Variants in FBXL5 observed in about 807,000 individuals in gnomAD.
The protein encoded by FBXL5 is F-box/LRR-repeat protein 5.
FBXL5 carries 26 observed loss-of-function variants against 78.3 expected under a neutral mutation model. The ratio of observed to expected loss-of-function variants is 0.33; its 90% CI spans 0.24 to 0.46. The LOEUF (loss-of-function observed/expected upper bound fraction) is 0.46. Among genes scored for constraint, FBXL5 ranks in the 20% least tolerant of loss-of-function variants. The probability of loss-of-function intolerance (pLI) is 1.00; values close to 1 mark genes in which losing one functional copy is unlikely to be tolerated. For missense variants in FBXL5, 710 were observed against 829.2 expected, an observed-to-expected ratio of 0.86 and a Z score of 1.77; for synonymous variants, 295 against 282.5, an observed-to-expected ratio of 1.04 and a Z score of -0.45.
intron 1 of FBXL5, among the ~76,000 whole-genome samples, chr4:15,669,159 G>A (rs1207212767): frequency 6.6e-6 from 1 of 152,106 alleles, no homozygotes; most frequent in Non-Finnish European, 1.5e-5. Flanking sequence ...CTGTCACTAG[G>A]CCATTGTCAC....
At chr4:15,616,824 C>A (rs1711938124) in intron 9 of FBXL5, among the ~76,000 whole-genome samples, 1 of 152,170 alleles carries the variant, frequency 6.6e-6, no homozygotes. Flanking sequence ...TTATCTAGAC[C>A]TTCAGGTTCC....
At chr4:15,674,175 G>T (rs924746549) in intron 1 of FBXL5, among the ~76,000 whole-genome samples, 1 of 149,686 alleles carries the variant, frequency 6.7e-6, no homozygotes, top group Non-Finnish European at 1.5e-5. Context: ...AAATACTAAA[G>T]AATGATTATG....
At chr4:15,630,049 C>T (rs1713457772) in intron 6 of FBXL5, among the ~76,000 whole-genome samples, 1 of 152,136 alleles carries the variant, frequency 6.6e-6, no homozygotes, top group Non-Finnish European at 1.5e-5. Context: ...ATTTTTCCAT[C>T]ATATACTTTA....
At chr4:15,608,041 T>A (rs1722001848) in intron 10 of FBXL5, among the ~76,000 whole-genome samples, 1 of 152,152 alleles carries the variant, frequency 6.6e-6, no homozygotes, top group Non-Finnish European at 1.5e-5. Context: ...TATAATGAAA[T>A]GACACTATTT....
intron 1 of FBXL5, among the ~76,000 whole-genome samples, chr4:15,652,773 C>T (rs1716264060): frequency 6.6e-6 from 1 of 152,144 alleles, no homozygotes; most frequent in Admixed American, 6.5e-5. Flanking sequence ...TAACTGACTT[C>T]TTGATAATAA....
chr4:15,610,499 A>C (rs1722176673), intron 10 of FBXL5, among the ~76,000 whole-genome samples: 1 of 152,110 alleles, frequency 6.6e-6, no homozygotes, highest in South Asian at 2.1e-4. Flanking sequence ...TCAATCATTT[A>C]TCCAAAAAAA....
rs1292858425 is a variant in FBXL5 at position 15,655,214 on chromosome 4, T to C, written c.74A>G (p.Tyr25Cys). The change falls in exon 1 of 11, where the codon TAC (tyrosine) becomes TGC (cysteine). Residue 25 changes from tyrosine to cysteine, a missense_variant. Physicochemically the swap from Tyr to Cys is radical, Grantham distance 194. Transcript: ENST00000341285. ...TCAGCGCTCCGTTACCTTGTCGCAG[T>C]AGAGCCCCACCAGCTGCTTCATCCG... ...HWRMKQLVGLYCDKLSKTNFS... is the reference protein window; with the variant it reads ...HWRMKQLVGLCCDKLSKTNFS... 2.8e-6 allele frequency: 4 copies of C among 1,430,260 alleles called. No homozygotes were observed. The highest frequency in any genetic ancestry group is 3.7e-6 in the Non-Finnish European group (4 of 1,070,814). 88.6% of individuals were successfully genotyped at this position (1,430,260 alleles called of 1,614,324 possible).
rs1721768391 is a variant in FBXL5 at position 15,604,722 on chromosome 4, T to TA, written c.*1000dup. On this transcript the variant is annotated 3_prime_UTR_variant, in exon 11 of 11. Coordinates refer to ENST00000341285, the MANE Select transcript of FBXL5 (RefSeq NM_012161.4). ...CATTGCCATTTTCTTCTACATGACA[T>TA]AAAATTGTACTAAAAGGCACTAGTA... The TA allele has an allele frequency of 6.6e-6, 1 of 152,208 alleles. No individual in the cohort carries two copies. Among genetic ancestry groups the TA allele is most frequent in the Non-Finnish European group, 1.5e-5 (1 of 68,030 alleles). 9.4% of individuals were successfully genotyped at this position (152,208 alleles called of 1,614,324 possible). A position where few individuals can be genotyped will look rare whatever the true frequency, so the allele number is the denominator to read the frequency against.
chr4:15,667,970 G>A (rs569227640), intron 1 of FBXL5, among the ~76,000 whole-genome samples: 4 of 151,774 alleles, frequency 2.6e-5, no homozygotes, highest in African/African-American at 9.7e-5. Context: ...GAACTCGGGA[G>A]GTGGAGGTTG....
intron 7 of FBXL5, 110 bp from the exon 8 acceptor site, chr4:15,627,065 A>C: frequency 3.7e-6 from 2 of 546,314 alleles, no homozygotes; most frequent in African/African-American, 2.0e-5. Context: ...TGAATATAAA[A>C]AAAAATCACT....
At chr4:15,639,395 G>T (rs12651550) in intron 3 of FBXL5, among the ~76,000 whole-genome samples, 1 of 152,000 alleles carries the variant, frequency 6.6e-6, no homozygotes, top group Non-Finnish European at 1.5e-5. Context: ...ACCCAGTGTA[G>T]TGGAACCATA....
At chr4:15,618,030 C>G (rs956806864) in intron 9 of FBXL5, among the ~76,000 whole-genome samples, 1 of 152,006 alleles carries the variant, frequency 6.6e-6, no homozygotes, top group African/African-American at 2.4e-5. Context: ...TCCAAAGTAG[C>G]AGGAGGGGAA....
At chr4:15,661,656 A>G (rs1417900029), upstream of FBXL5, among the ~76,000 whole-genome samples, 1 of 152,172 alleles carries the variant, frequency 6.6e-6, no homozygotes, top group African/African-American at 2.4e-5. Context: ...TTTCTCATGT[A>G]TTAGTTATCT....
chr4:15,680,818 T>C lies in FBXL5; in HGVS notation c.-284+565A>G, dbSNP rs550601064. 1.9e-3 allele frequency among the ~76,000 whole-genome samples: 292 copies of C among 151,680 alleles called. 1 individual carries two copies. The highest frequency in any genetic ancestry group is 6.6e-3 in the African/African-American group (274 of 41,506). On this transcript the variant is annotated intron_variant, in intron 1 of 4. Transcript: ENST00000507899. ...TTCAGAGTTGAAATTCAAGCTCCTGTATCTAACATGTTTCCCTGTTTAAGG... is the reference window on the plus strand; with the variant it reads ...TTCAGAGTTGAAATTCAAGCTCCTGCATCTAACATGTTTCCCTGTTTAAGG...
At chr4:15,652,425 T>C (rs1232970298) in intron 1 of FBXL5, among the ~76,000 whole-genome samples, 1 of 152,168 alleles carries the variant, frequency 6.6e-6, no homozygotes, top group African/African-American at 2.4e-5. Flanking sequence ...CAGAAATACC[T>C]TGTCTTTACA....
In FBXL5 at chr4:15,646,463, A is replaced by G. The variant is rs532247381; in HGVS notation, c.85-1755T>C. Among the ~76,000 whole-genome samples, 771 of 148,804 alleles carry G rather than the reference A, an allele frequency of 5.2e-3. 9 individuals are homozygous for G. Among genetic ancestry groups the G allele is most frequent in the African/African-American group, 0.017 (695 of 40,892 alleles). ...ACACTATCATGTATCATTTTTTGGA[A>G]AAAAAAAAAAAGGCAAACTTAAAAA... On this transcript the variant is annotated intron_variant, in intron 1 of 10. Coordinates refer to ENST00000341285, the MANE Select transcript of FBXL5 (RefSeq NM_012161.4).
chr4:15,618,179 C>T (rs1339499611), intron 9 of FBXL5, among the ~76,000 whole-genome samples: 2 of 151,988 alleles, frequency 1.3e-5, no homozygotes, highest in Non-Finnish European at 2.9e-5. Context: ...AGAGAAGACA[C>T]AAATTACCAA....
At chr4:15,621,142 C>T (rs192179584) in intron 9 of FBXL5, among the ~76,000 whole-genome samples, 2 of 152,270 alleles carry the variant, frequency 1.3e-5, no homozygotes, top group African/African-American at 4.8e-5. Flanking sequence ...CTGGTCTCGG[C>T]AGTCTATTTT....
chr4:15,662,473 T>G (rs1297351955), upstream of FBXL5, among the ~76,000 whole-genome samples: 1 of 152,204 alleles, frequency 6.6e-6, no homozygotes, highest in Non-Finnish European at 1.5e-5. Context: ...CCTGGCATAT[T>G]AAGCATTCAA....
Sources: allele counts gnomAD v4.1 joint callset (sites outside exome capture counted in the v4.1 genomes callset), GRCh38; gene constraint gnomAD v4.1.1; transcripts MANE v1.5; gene names NCBI Gene and HGNC (gene_info 2026-07-23, HGNC 2026-07-21).